Variants in CLIC5 observed in about 807,000 individuals in gnomAD.
CLIC5 encodes the protein chloride intracellular channel protein 5.
In CLIC5, 20 loss-of-function variants were observed where a neutral mutation model predicts 24.7. That is an observed-to-expected ratio of 0.81 (90% CI 0.57 to 1.18). CLIC5 has a LOEUF of 1.18. Among genes scored for constraint, CLIC5 ranks in the 50% most tolerant of loss-of-function variants. The pLI is 0.00. For synonymous variants in CLIC5, 159 were observed against 135.6 expected, an observed-to-expected ratio of 1.17 and a Z score of -1.20; for missense variants, 341 against 326.1, an observed-to-expected ratio of 1.05 and a Z score of -0.35.
chr6:46,112,269 G>C, the CLIC5 span, among the ~76,000 whole-genome samples: 1 of 152,104 alleles, frequency 6.6e-6, no homozygotes. Context: ...TCTGGACCTA[G>C]AAAAAATTAC....
chr6:46,072,529 T>C (rs967923251), intron 1 of CLIC5, among the ~76,000 whole-genome samples: 6 of 152,204 alleles, frequency 3.9e-5, no homozygotes, highest in African/African-American at 9.6e-5. Context: ...TGCATTGACA[T>C]TGAGTTTGTA....
intron 1 of CLIC5, among the ~76,000 whole-genome samples, chr6:46,040,286 C>T (rs571298164): frequency 2.6e-5 from 4 of 151,978 alleles, no homozygotes; most frequent in African/African-American, 7.2e-5. Flanking sequence ...TTGAAGACAA[C>T]GCGATTGGTA....
rs958667422 is a variant in CLIC5 at position 45,899,197 on chromosome 6, G to A, written c.*3891C>T. The A allele has an allele frequency of 2.6e-5, 4 of 152,136 alleles. No individual in the cohort carries two copies. The highest frequency in any genetic ancestry group is 9.7e-5 in the African/African-American group (4 of 41,416). The allele number at this position is 152,136 out of a possible 1,614,324, so 9.4% of individuals were successfully genotyped here. A position where few individuals can be genotyped will look rare whatever the true frequency, so the allele number is the denominator to read the frequency against. ...GGGCTGTGTGCAGCAGGTCCTGTTC[G>A]CTTAAGTTTTCCTAACATCAGAATC... On this transcript the variant is annotated 3_prime_UTR_variant, in exon 6 of 6. Coordinates refer to ENST00000339561, the MANE Select transcript of CLIC5 (RefSeq NM_016929.5).
At chr6:45,949,169 G>A in intron 3 of CLIC5, 87 bp downstream of exon 3, 2 of 1,482,374 alleles carry the variant, frequency 1.3e-6, no homozygotes, top group Non-Finnish European at 1.8e-6. Flanking sequence ...CTTTGGAAAT[G>A]CATCTGCCCG....
chr6:45,949,990 T>A (rs539307077), intron 2 of CLIC5, among the ~76,000 whole-genome samples: 2 of 152,338 alleles, frequency 1.3e-5, no homozygotes, highest in East Asian at 3.9e-4. Flanking sequence ...ATATGGTCTT[T>A]GGGTAGCCAG....
At chr6:46,020,326 C>A (rs1381078959), upstream of CLIC5, among the ~76,000 whole-genome samples, 1 of 152,054 alleles carries the variant, frequency 6.6e-6, no homozygotes. Flanking sequence ...TTAAGAAATT[C>A]ATTGATCAAC....
At chr6:45,974,542 G>T (rs1429655739) in intron 1 of CLIC5, among the ~76,000 whole-genome samples, 22 of 142,102 alleles carry the variant, frequency 1.5e-4, no homozygotes, top group South Asian at 4.9e-4. Context: ...GAGAGAGAGA[G>T]AGAGAGAGAG....
At chr6:46,069,124 A>G (rs935849725) in intron 1 of CLIC5, among the ~76,000 whole-genome samples, 3 of 152,168 alleles carry the variant, frequency 2.0e-5, no homozygotes, top group Admixed American at 2.0e-4. Context: ...TGAAGTGTGC[A>G]GGGAAGTACA....
intron 1 of CLIC5, among the ~76,000 whole-genome samples, chr6:45,994,834 C>T (rs937768687): frequency 6.6e-6 from 1 of 152,062 alleles, no homozygotes; most frequent in Non-Finnish European, 1.5e-5. Context: ...CAGTTGGTTA[C>T]AATTATGTCT....
intron 1 of CLIC5, among the ~76,000 whole-genome samples, chr6:45,968,768 A>G (rs1279952708): frequency 1.3e-5 from 2 of 152,202 alleles, no homozygotes; most frequent in Non-Finnish European, 2.9e-5. Context: ...ACATCTTCCT[A>G]TACTTGTGCA....
chr6:45,998,486 G>C (rs1235394011), intron 1 of CLIC5, among the ~76,000 whole-genome samples: 1 of 152,192 alleles, frequency 6.6e-6, no homozygotes, highest in Non-Finnish European at 1.5e-5. Context: ...TTCCACCTGA[G>C]GACTCGAGTC....
At chr6:45,944,483 G>A (rs1349893331) in intron 3 of CLIC5, among the ~76,000 whole-genome samples, 2 of 144,742 alleles carry the variant, frequency 1.4e-5, no homozygotes, top group African/African-American at 5.2e-5. Flanking sequence ...CCGGTTTTTA[G>A]GATATCTTAT....
At chr6:46,052,007 C>G (rs1199205071) in intron 1 of CLIC5, among the ~76,000 whole-genome samples, 1 of 152,086 alleles carries the variant, frequency 6.6e-6, no homozygotes, top group Non-Finnish European at 1.5e-5. Context: ...CACCTGCATT[C>G]AGCAAACATT....
Position 45,907,560 on chromosome 6 carries a change from T to A in CLIC5, c.589-4305A>T, listed in dbSNP as rs183539692. On this transcript the variant is annotated intron_variant, in intron 5 of 5. Transcript: ENST00000339561. Reference sequence around the variant, plus strand: ...CTTCATAGAATGAGTTAGGAAGGAGTCCTTCCTTGATATTTTGGAATAGTT... The same window carrying A: ...CTTCATAGAATGAGTTAGGAAGGAGACCTTCCTTGATATTTTGGAATAGTT... Among the ~76,000 whole-genome samples, 4 of 152,210 alleles carry A rather than the reference T, an allele frequency of 2.6e-5. No homozygotes were observed. The East Asian group carries it at 7.7e-4, about 29-fold the overall frequency.
chr6:46,080,740 A>G (rs1762902499), upstream of CLIC5, among the ~76,000 whole-genome samples: 1 of 152,192 alleles, frequency 6.6e-6, no homozygotes. Context: ...ATCACATAGA[A>G]CAATTATTTG....
At position 45,912,557 on chromosome 6, in the gene CLIC5, T is replaced by C. The variant is rs939907307; in HGVS notation, c.588+1671A>G. The C allele has an allele frequency of 3.5e-6, 5 of 1,408,774 alleles. No homozygotes were observed. The African/African-American group carries it at 7.2e-5, about 20-fold the overall frequency. 87.3% of individuals were successfully genotyped at this position (1,408,774 alleles called of 1,614,324 possible). ...GAAGGCAAGAAGGAATACAATCCAC[T>C]TCTGTTCTTCTAGGCATGAGAAAAA... On this transcript the variant is annotated intron_variant, in intron 5 of 5. Coordinates refer to ENST00000339561, the MANE Select transcript of CLIC5 (RefSeq NM_016929.5).
At chr6:45,952,503 A>G (rs963400529) in intron 2 of CLIC5, among the ~76,000 whole-genome samples, 3 of 152,222 alleles carry the variant, frequency 2.0e-5, no homozygotes, top group Non-Finnish European at 2.9e-5. Flanking sequence ...AATCCTATTG[A>G]TTAAGAAGAC....
At chr6:45,959,085 G>T (rs1204332) in intron 1 of CLIC5, among the ~76,000 whole-genome samples, 127,664 of 151,862 alleles carry the variant, frequency 0.84, 54,276 homozygotes, top group Non-Finnish European at 0.9. Context: ...CTATGTGAAT[G>T]ACCTTAGATA....
At chr6:46,086,025 C>A in the CLIC5 span, among the ~76,000 whole-genome samples, 1 of 152,202 alleles carries the variant, frequency 6.6e-6, no homozygotes. Context: ...AGTGAGACTC[C>A]GTGGGCGTAG....
Sources: allele counts gnomAD v4.1 joint callset (sites outside exome capture counted in the v4.1 genomes callset), GRCh38; gene constraint gnomAD v4.1.1; transcripts MANE v1.5; gene names NCBI Gene and HGNC (gene_info 2026-07-23, HGNC 2026-07-21).